THRB: variants seen among roughly 807,000 people sequenced by gnomAD.
THRB encodes the protein thyroid hormone receptor beta, also known as nuclear receptor subfamily 1 group A member 2.
Under a neutral mutation model 47.8 loss-of-function variants are expected in THRB, and 12 were observed. That is an observed-to-expected ratio of 0.25 (90% CI 0.16 to 0.41). The LOEUF is 0.41. THRB is among the 10% of genes least tolerant of loss of function. The pLI, the probability that THRB is intolerant of heterozygous loss-of-function variation, is 1.00. For synonymous variants in THRB, 218 were observed against 212.2 expected (o/e 1.03, Z -0.24); for missense variants, 348 against 589.2 (o/e 0.59, Z 4.24).
chr3:24,347,024 A>G (rs187056642), intron 1 of THRB, among the ~76,000 whole-genome samples: 207 of 152,202 alleles, frequency 1.4e-3, no homozygotes, highest in Non-Finnish European at 1.6e-4. Flanking sequence ...ATAAATTTCA[A>G]AGATCAAAAA....
At chr3:24,437,538 C>G (rs904676559) in intron 1 of THRB, among the ~76,000 whole-genome samples, 1 of 151,976 alleles carries the variant, frequency 6.6e-6, no homozygotes, top group Non-Finnish European at 1.5e-5. Context: ...GGAATGTTTC[C>G]AACCCAAAGA....
chr3:24,306,541 C>T lies in THRB; in HGVS notation c.-188-9170G>A, dbSNP rs965180977. On this transcript the variant is annotated intron_variant, in intron 2 of 10. Transcript: ENST00000646209. ...ATAGCATAAATATTCTTTGTATTTT[C>T]CTGCATGTATCTGGCTAAAATCGAC... 1.1e-4 allele frequency among the ~76,000 whole-genome samples: 16 copies of T among 152,196 alleles called. 1 individual carries two copies. The highest frequency in any genetic ancestry group is 3.9e-4 in the African/African-American group (16 of 41,454).
intron 2 of THRB, among the ~76,000 whole-genome samples, chr3:24,317,382 C>A (rs1009208797): frequency 3.3e-5 from 5 of 152,124 alleles, no homozygotes; most frequent in African/African-American, 1.2e-4. Context: ...TTCTGATACC[C>A]CATGGCTGCC....
rs556157044 is a variant in THRB at position 24,478,548 on chromosome 3, T to C, written c.-261+16104A>G. Among the ~76,000 whole-genome samples, 28 of 151,976 alleles carry C rather than the reference T, an allele frequency of 1.8e-4. No individual in the cohort carries two copies. In the South Asian group the frequency reaches 5.4e-3, roughly 29 times the overall value. On this transcript the variant is annotated intron_variant, in intron 1 of 10. Transcript: ENST00000646209. ...TTCTCCAAATTACAATTGTTTACAA[T>C]GCAGATGGGGAAAAAAGGAAGGAAA...
In THRB at chr3:24,240,952, C is replaced by T. The variant is rs569609484; in HGVS notation, c.-42-11951G>A. On this transcript the variant is annotated intron_variant, in intron 3 of 10. Transcript: ENST00000646209. The stretch of plus-strand genomic sequence containing the variant: ...CCACCTTTCCATCCTGACCAGCACA[C>T]GGTCAGCCTTCTCTAGAATATTTCC... 3.9e-5 allele frequency among the ~76,000 whole-genome samples: 6 copies of T among 152,284 alleles called. No homozygotes were observed. In the South Asian group the frequency reaches 1.0e-3, roughly 26 times the overall value.
At chr3:24,215,611 G>A (rs1027877075) in intron 4 of THRB, among the ~76,000 whole-genome samples, 4 of 152,258 alleles carry the variant, frequency 2.6e-5, no homozygotes, top group East Asian at 3.9e-4. Flanking sequence ...TCTCCATAAC[G>A]TTATTAGGCA....
At chr3:24,140,635 A>G (rs2035314921) in intron 8 of THRB, among the ~76,000 whole-genome samples, 1 of 152,164 alleles carries the variant, frequency 6.6e-6, no homozygotes, top group Non-Finnish European at 1.5e-5. Context: ...CCCTCCCCCA[A>G]GGTACCCAAG....
intron 3 of THRB, among the ~76,000 whole-genome samples, chr3:24,257,111 A>T (rs554336464): frequency 2.6e-5 from 4 of 152,280 alleles, no homozygotes; most frequent in Admixed American, 6.5e-5. Context: ...AAATGGTGAG[A>T]TCAGTTTAGA....
At chr3:24,450,840 T>G (rs1162878382) in intron 1 of THRB, among the ~76,000 whole-genome samples, 1 of 152,232 alleles carries the variant, frequency 6.6e-6, no homozygotes, top group Non-Finnish European at 1.5e-5. Context: ...GTCAGTGTGC[T>G]GCAGCAGCTC....
intron 1 of THRB, among the ~76,000 whole-genome samples, chr3:24,388,373 A>T (rs547665656): frequency 2.0e-5 from 3 of 152,290 alleles, no homozygotes; most frequent in African/African-American, 7.2e-5. Flanking sequence ...CTATCTGAGT[A>T]AACCTCCTGC....
intron 5 of THRB, among the ~76,000 whole-genome samples, chr3:24,180,230 G>T (rs1046977206): frequency 6.6e-6 from 1 of 152,102 alleles, no homozygotes; most frequent in African/African-American, 2.4e-5. Context: ...TAGTCCTGAG[G>T]CTTAACTAAA....
intron 6 of THRB, among the ~76,000 whole-genome samples, chr3:24,150,507 G>A (rs887328241): frequency 3.3e-5 from 5 of 152,098 alleles, no homozygotes; most frequent in Non-Finnish European, 5.9e-5. Flanking sequence ...TTTGCTACAC[G>A]ATTTCTTCTT....
chr3:24,335,878 A>G (rs4858114), intron 2 of THRB, among the ~76,000 whole-genome samples: 82,661 of 152,008 alleles, frequency 0.54, 24,984 homozygotes, highest in African/African-American at 0.8. Context: ...AGGTGCCCCC[A>G]GTTTCCTGGT....
chr3:24,433,411 G>A (rs371914487), intron 1 of THRB, among the ~76,000 whole-genome samples: 6 of 152,052 alleles, frequency 3.9e-5, no homozygotes, highest in South Asian at 2.1e-4. Flanking sequence ...TTAGAGTGAC[G>A]CACTTTCTAA....
At chr3:24,341,096 T>C (rs1027874752) in intron 1 of THRB, among the ~76,000 whole-genome samples, 24 of 151,692 alleles carry the variant, frequency 1.6e-4, no homozygotes, top group African/African-American at 5.6e-4. Flanking sequence ...TCTTTTGGCT[T>C]TGCTTTTGGG....
chr3:24,345,620 T>A (rs1199322939), intron 1 of THRB, among the ~76,000 whole-genome samples: 2 of 152,092 alleles, frequency 1.3e-5, no homozygotes, highest in Non-Finnish European at 2.9e-5. Context: ...TATAAAGTGC[T>A]TAGAAGAGTG....
intron 1 of THRB, among the ~76,000 whole-genome samples, chr3:24,422,612 C>T (rs1184127889): frequency 2.0e-5 from 3 of 152,002 alleles, no homozygotes; most frequent in Non-Finnish European, 2.9e-5. Flanking sequence ...GACAGATGTG[C>T]GTGGCGAATG....
chr3:24,476,294 C>T (rs1695439753), intron 1 of THRB, among the ~76,000 whole-genome samples: 1 of 152,148 alleles, frequency 6.6e-6, no homozygotes, highest in Admixed American at 6.5e-5. Flanking sequence ...TTTTCTTTCC[C>T]TCTACAGGGT....
chr3:24,464,442 C>T (rs2073971714), intron 1 of THRB, among the ~76,000 whole-genome samples: 3 of 152,030 alleles, frequency 2.0e-5, no homozygotes, highest in South Asian at 4.2e-4. Context: ...GCCATTTTAG[C>T]TCTATTTTAA....
Sources: allele counts gnomAD v4.1 joint callset (sites outside exome capture counted in the v4.1 genomes callset), GRCh38; gene constraint gnomAD v4.1.1; transcripts MANE v1.5; gene names NCBI Gene and HGNC (gene_info 2026-07-23, HGNC 2026-07-21).